Variants in NBEA observed in about 807,000 individuals in gnomAD.
NBEA encodes lysosomal-trafficking regulator 2.
Under a neutral mutation model 343.4 loss-of-function variants are expected in NBEA, and 44 were observed. The observed-to-expected ratio is 0.13, with a 90% CI of 0.10 to 0.16. The LOEUF (loss-of-function observed/expected upper bound fraction) is 0.16. NBEA is among the 10% of genes least tolerant of loss of function. NBEA has a pLI of 1.00. For missense variants in NBEA, 2,555 were observed against 3,631.3 expected (o/e 0.70, Z 7.62); for synonymous variants, 1,175 against 1,238.7 (o/e 0.95, Z 1.08).
intron 1 of NBEA, among the ~76,000 whole-genome samples, chr13:34,958,903 A>G (rs2059577579): frequency 6.6e-6 from 1 of 152,080 alleles, no homozygotes; most frequent in Non-Finnish European, 1.5e-5. Flanking sequence ...ATGAATATGG[A>G]TTTTTCCTTA....
intron 1 of NBEA, among the ~76,000 whole-genome samples, chr13:34,955,484 T>C (rs1183434918): frequency 1.3e-5 from 2 of 151,680 alleles, no homozygotes; most frequent in Non-Finnish European, 2.9e-5. Flanking sequence ...CTTGGAGGAG[T>C]TGGGAAGGCT....
At chr13:35,569,435 A>G (rs2080290351) in intron 45 of NBEA, among the ~76,000 whole-genome samples, 1 of 152,210 alleles carries the variant, frequency 6.6e-6, no homozygotes, top group African/African-American at 2.4e-5. Context: ...TACGATGACT[A>G]CTATTATGGC....
At chr13:35,104,566 T>A (rs2065821939) in intron 11 of NBEA, among the ~76,000 whole-genome samples, 1 of 151,940 alleles carries the variant, frequency 6.6e-6, no homozygotes, top group South Asian at 2.1e-4. Flanking sequence ...TGCTCACATT[T>A]TGTTATTTTT....
At chr13:35,557,774 C>T (rs2079646634) in intron 44 of NBEA, among the ~76,000 whole-genome samples, 1 of 152,082 alleles carries the variant, frequency 6.6e-6, no homozygotes, top group Non-Finnish European at 1.5e-5. Flanking sequence ...AATGCTGAAT[C>T]ATTGCTATCG....
chr13:35,431,814 T>C (rs185449708), intron 38 of NBEA, among the ~76,000 whole-genome samples: 2 of 152,300 alleles, frequency 1.3e-5, no homozygotes, highest in East Asian at 3.9e-4. Context: ...TATTTTATAC[T>C]TCTTAATTCA....
At chr13:35,507,520 C>T (rs980489518) in intron 41 of NBEA, among the ~76,000 whole-genome samples, 1 of 151,984 alleles carries the variant, frequency 6.6e-6, no homozygotes, top group Non-Finnish European at 1.5e-5. Flanking sequence ...ATTTTCTTTT[C>T]CACTGCCCTT....
At chr13:35,301,798 A>G (rs2036567434) in intron 35 of NBEA, among the ~76,000 whole-genome samples, 1 of 152,082 alleles carries the variant, frequency 6.6e-6, no homozygotes, top group Admixed American at 6.6e-5. Flanking sequence ...TTACACTCCC[A>G]CCAACAGTGT....
At chr13:35,325,300 T>C (rs1377142099) in intron 36 of NBEA, among the ~76,000 whole-genome samples, 2 of 152,004 alleles carry the variant, frequency 1.3e-5, no homozygotes, top group African/African-American at 2.4e-5. Context: ...ATATTTCTTT[T>C]TAGTTTTTTA....
chr13:35,139,161 AT>A (rs2067927809), intron 17 of NBEA, among the ~76,000 whole-genome samples: 1 of 149,150 alleles, frequency 6.7e-6, no homozygotes, highest in Non-Finnish European at 1.5e-5. Context: ...CCCATGCTCA[AT>A]TGACTCTCCC....
chr13:35,128,200 C>T (rs752962234), intron 17 of NBEA, among the ~76,000 whole-genome samples: 13 of 150,744 alleles, frequency 8.6e-5, no homozygotes, highest in Non-Finnish European at 1.3e-4. Context: ...CTAACCTGCA[C>T]ATTGTGCACA....
intron 36 of NBEA, among the ~76,000 whole-genome samples, chr13:35,339,059 T>C (rs866342477): frequency 1.3e-5 from 2 of 152,254 alleles, no homozygotes; most frequent in Middle Eastern, 3.4e-3. Flanking sequence ...TGCTTATTTA[T>C]GAAAGACTGA....
intron 1 of NBEA, among the ~76,000 whole-genome samples, chr13:35,023,171 G>T (rs2061905035): frequency 6.6e-6 from 1 of 151,948 alleles, no homozygotes; most frequent in South Asian, 2.1e-4. Context: ...AGGCTAAAAG[G>T]ATAATATGGT....
At chr13:35,027,334 G>A (rs1288085809) in intron 1 of NBEA, among the ~76,000 whole-genome samples, 1 of 151,768 alleles carries the variant, frequency 6.6e-6, no homozygotes, top group Non-Finnish European at 1.5e-5. Context: ...ACTATTTTCA[G>A]AGTGATTGTA....
chr13:35,182,131 T>A (rs1226678176), intron 28 of NBEA, among the ~76,000 whole-genome samples: 2 of 151,556 alleles, frequency 1.3e-5, no homozygotes, highest in Admixed American at 1.3e-4. Flanking sequence ...AATTTTAATA[T>A]TCTAGTTTTT....
chr13:35,381,510 T>A (rs150278047), intron 38 of NBEA, among the ~76,000 whole-genome samples: 2 of 152,210 alleles, frequency 1.3e-5, no homozygotes, highest in South Asian at 2.1e-4. Flanking sequence ...TATCCAGACT[T>A]CTATTCCCGA....
chr13:35,456,868 T>A (rs1281985447), intron 40 of NBEA, among the ~76,000 whole-genome samples: 1 of 151,946 alleles, frequency 6.6e-6, no homozygotes, highest in Non-Finnish European at 1.5e-5. Context: ...AATTGTGAGT[T>A]AATGATAATG....
rs1566498780 is a variant in NBEA at position 35,236,405 on chromosome 13, C to CG, written c.5776+3786_5776+3787insG. ...ACAGCTCTTCTTTCTGCATTTAATC[C>CG]TTTTTGTTTTGTTTTGTTTTGTTTT... On this transcript the variant is annotated intron_variant, in intron 34 of 58. Transcript: ENST00000379939. Among the ~76,000 whole-genome samples, 10 of 140,386 alleles carry CG rather than the reference C, an allele frequency of 7.1e-5. No individual in the cohort carries two copies. In the East Asian group the frequency reaches 9.3e-4, roughly 13 times the overall value. 92.1% of individuals were successfully genotyped at this position (140,386 alleles called of 152,430 possible).
At chr13:34,988,912 A>G (rs2060653930) in intron 1 of NBEA, among the ~76,000 whole-genome samples, 1 of 151,010 alleles carries the variant, frequency 6.6e-6, no homozygotes, top group African/African-American at 2.4e-5. Flanking sequence ...GTCTTTTAAT[A>G]GGAAAATTTG....
intron 33 of NBEA, among the ~76,000 whole-genome samples, chr13:35,230,600 G>T (rs2074913718): frequency 6.6e-6 from 1 of 151,980 alleles, no homozygotes; most frequent in Non-Finnish European, 1.5e-5. Context: ...TAGTTTAGCT[G>T]GGAAGAGCTG....
Sources: allele counts gnomAD v4.1 joint callset (sites outside exome capture counted in the v4.1 genomes callset), GRCh38; gene constraint gnomAD v4.1.1; transcripts MANE v1.5; gene names NCBI Gene and HGNC (gene_info 2026-07-23, HGNC 2026-07-21).